Variants in TTC34 observed in about 807,000 individuals in gnomAD.
TTC34 encodes tetratricopeptide repeat domain 34.
Under a neutral mutation model 40.7 loss-of-function variants are expected in TTC34, and 44 were observed. The ratio of observed to expected loss-of-function variants is 1.08; its 90% CI spans 0.85 to 1.39. TTC34 has a LOEUF of 1.39. TTC34 is among the 40% of genes most tolerant of loss of function. The pLI is 0.00. For synonymous variants in TTC34, 422 were observed against 398.6 expected, an observed-to-expected ratio of 1.06 and a Z score of -0.70; for missense variants, 884 against 838.0, an observed-to-expected ratio of 1.05 and a Z score of -0.68.
chr1:2,751,549 C>G (rs1221191783), intron 6 of TTC34, among the ~76,000 whole-genome samples: 2 of 115,132 alleles, frequency 1.7e-5, no homozygotes, highest in African/African-American at 7.8e-5. Flanking sequence ...CATCTGACAG[C>G]CTGCAACAGC....
intron 6 of TTC34, among the ~76,000 whole-genome samples, chr1:2,651,510 A>C (rs547296521): frequency 2.6e-5 from 4 of 152,002 alleles, no homozygotes; most frequent in South Asian, 4.2e-4. Context: ...CTAGAATGGC[A>C]CCACCACACT....
intron 6 of TTC34, among the ~76,000 whole-genome samples, chr1:2,769,770 C>G (rs1641999318): frequency 7.1e-6 from 1 of 141,458 alleles, no homozygotes; most frequent in Admixed American, 7.0e-5. Flanking sequence ...GAGCATCTGA[C>G]AGCGTGGAGC....
chr1:2,652,504 G>GCACTCCCCCAGTGAACACCTGACA (rs1639179715), intron 6 of TTC34, among the ~76,000 whole-genome samples: 3 of 86,566 alleles, frequency 3.5e-5, no homozygotes, highest in African/African-American at 4.4e-5. Flanking sequence ...AGCATCTGAC[G>GCACTCCCCCAGTGAACACCTGACA]GCCTGCAACA....
intron 6 of TTC34, among the ~76,000 whole-genome samples, chr1:2,685,785 A>AACAGAACCC: frequency 6.8e-6 from 1 of 147,390 alleles, no homozygotes; most frequent in African/African-American, 2.5e-5. Flanking sequence ...GACAGCCTGG[A>AACAGAACCC]ACAGAACCCA....
At chr1:2,675,604 C>G (rs1570788921) in intron 6 of TTC34, among the ~76,000 whole-genome samples, 3 of 137,910 alleles carry the variant, frequency 2.2e-5, no homozygotes, top group African/African-American at 8.3e-5. Context: ...CACCCACAAC[C>G]CCAGGCGAGC....
At chr1:2,779,513 C>A (rs1230409857) in intron 6 of TTC34, among the ~76,000 whole-genome samples, 1 of 151,942 alleles carries the variant, frequency 6.6e-6, no homozygotes, top group Non-Finnish European at 1.5e-5. Context: ...TTAGTAGAGA[C>A]CAGATTTCAC....
At chr1:2,641,971 G>A (rs1313544420) in intron 8 of TTC34, 76 bp from the exon 9 acceptor site, 14 of 1,396,508 alleles carry the variant, frequency 1.0e-5, no homozygotes, top group Non-Finnish European at 1.2e-5. Flanking sequence ...CCCTGCAGAG[G>A]TCCTCTGCAC....
At chr1:2,764,284 C>T (rs1279313183) in intron 6 of TTC34, among the ~76,000 whole-genome samples, 2 of 147,360 alleles carry the variant, frequency 1.4e-5, no homozygotes, top group East Asian at 2.1e-4. Context: ...ATCTGACAGC[C>T]TGGAGCAGCA....
chr1:2,687,555 A>G (rs1454946417), intron 6 of TTC34, among the ~76,000 whole-genome samples: 1 of 142,100 alleles, frequency 7.0e-6, no homozygotes, highest in Non-Finnish European at 1.5e-5. Flanking sequence ...AGCATGGAGC[A>G]GCACGCTGCA....
At chr1:2,655,446 A>G (rs1639310214) in intron 6 of TTC34, among the ~76,000 whole-genome samples, 1 of 123,086 alleles carries the variant, frequency 8.1e-6, no homozygotes. Context: ...CTGGAGCAGC[A>G]CCCACACCCC....
In TTC34 at chr1:2,645,088, G is replaced by A. The variant is rs960681072; in HGVS notation, c.2497+205C>T. Among the ~76,000 whole-genome samples, 6 of 152,166 alleles carry A rather than the reference G, an allele frequency of 3.9e-5. No homozygotes were observed. Among genetic ancestry groups the A allele is most frequent in the South Asian group, 2.1e-4 (1 of 4,826 alleles). On this transcript the variant is annotated intron_variant, in intron 7 of 8. Transcript: ENST00000401095. This position sits in a 1 kb window ranked among gnomAD's most constrained non-coding sequence, Gnocchi z 4.7. The stretch of plus-strand genomic sequence containing the variant: ...CTCCATTGCAAGCAAAGAGCCACCC[G>A]GGTAAAGCAGAGGAGAGCCTTTTGA...
intron 6 of TTC34, among the ~76,000 whole-genome samples, chr1:2,753,163 C>G (rs1355843122): frequency 8.7e-6 from 1 of 114,612 alleles, no homozygotes; most frequent in Non-Finnish European, 1.7e-5. Flanking sequence ...CGGCCTGGAA[C>G]AGCACCCACA....
intron 6 of TTC34, among the ~76,000 whole-genome samples, chr1:2,653,693 C>A (rs1431422328): frequency 7.9e-6 from 1 of 126,120 alleles, no homozygotes; most frequent in Non-Finnish European, 1.8e-5. Flanking sequence ...CCCACACCCC[C>A]AGGTGAGCAT....
At chr1:2,690,465 G>GCCCGCAGCA (rs1640567380) in intron 6 of TTC34, among the ~76,000 whole-genome samples, 1 of 121,636 alleles carries the variant, frequency 8.2e-6, no homozygotes. Flanking sequence ...CACAACCACA[G>GCCCGCAGCA]GTGAGCATCT....
chr1:2,750,078 G>A (rs1313023550), intron 6 of TTC34, among the ~76,000 whole-genome samples: 10 of 13,656 alleles, frequency 7.3e-4, no homozygotes, highest in East Asian at 4.1e-3. Context: ...TGGAGCAGCA[G>A]GCACACCCCC....
intron 6 of TTC34, among the ~76,000 whole-genome samples, chr1:2,688,230 C>T (rs565234822): frequency 7.7e-6 from 1 of 130,418 alleles, no homozygotes; most frequent in Non-Finnish European, 1.6e-5. Context: ...CATCCGACAG[C>T]CTGGAGCAGC....
intron 2 of TTC34, among the ~76,000 whole-genome samples, chr1:2,793,664 T>G (rs866971587): frequency 1.3e-5 from 2 of 152,324 alleles, no homozygotes; most frequent in African/African-American, 2.4e-5. Context: ...ATCAGTACCC[T>G]CCATTGAATA....
intron 6 of TTC34, among the ~76,000 whole-genome samples, chr1:2,778,261 G>A (rs1456918966): frequency 6.6e-6 from 1 of 152,232 alleles, no homozygotes; most frequent in African/African-American, 2.4e-5. Context: ...TTGCCTCTGT[G>A]CTGTGCTTTT....
In TTC34 at chr1:2,751,766, C is replaced by T. The variant is rs1387373665; in HGVS notation, c.2226+31843G>A. Among the ~76,000 whole-genome samples, 212 of 57,326 alleles carry T rather than the reference C, an allele frequency of 3.7e-3. 12 individuals are homozygous for T. Among genetic ancestry groups the T allele is most frequent in the Non-Finnish European group, 8.4e-3 (178 of 21,086 alleles). 37.6% of individuals were successfully genotyped at this position (57,326 alleles called of 152,430 possible). On this transcript the variant is annotated intron_variant, in intron 6 of 8. Coordinates refer to ENST00000401095, the Ensembl canonical transcript of TTC34. ...TCTGACATCGTAGAGCAGCACCCCACACCCACAGGTGAGCATCTGACAGCC... is the reference window on the plus strand; with the variant it reads ...TCTGACATCGTAGAGCAGCACCCCATACCCACAGGTGAGCATCTGACAGCC...
Sources: allele counts gnomAD v4.1 joint callset (sites outside exome capture counted in the v4.1 genomes callset), GRCh38; gene constraint gnomAD v4.1.1; non-coding constraint Gnocchi (gnomAD v3.1); transcripts MANE v1.5; gene names NCBI Gene and HGNC (gene_info 2026-07-23, HGNC 2026-07-21).